PIK3R3: variants seen among roughly 807,000 people sequenced by gnomAD.
PIK3R3 encodes the protein phosphoinositide-3-kinase regulatory subunit 3.
A neutral mutation model predicts 62.9 loss-of-function variants in PIK3R3; 64 were observed. The observed-to-expected ratio is 1.02, with a 90% CI of 0.83 to 1.25. The LOEUF is 1.25. Among genes scored for constraint, PIK3R3 ranks in the 50% most tolerant of loss-of-function variants. The pLI is 0.00. For synonymous variants in PIK3R3, 165 were observed against 189.0 expected, an observed-to-expected ratio of 0.87 and a Z score of 1.04; for missense variants, 614 against 561.6, an observed-to-expected ratio of 1.09 and a Z score of -0.94.
At chr1:46,107,621 A>C (rs2149449917) in intron 1 of PIK3R3, among the ~76,000 whole-genome samples, 1 of 152,286 alleles carries the variant, frequency 6.6e-6, no homozygotes, top group South Asian at 2.1e-4. Flanking sequence ...TCATTTACTT[A>C]AAAAGACCAT....
chr1:46,149,772 C>A, the PIK3R3 span, among the ~76,000 whole-genome samples: 1 of 152,136 alleles, frequency 6.6e-6, no homozygotes, highest in African/African-American at 2.4e-5. Flanking sequence ...GTCAAGGGAT[C>A]CACCTGCCTC....
At chr1:46,082,228 C>T (rs1370063691) in intron 1 of PIK3R3, among the ~76,000 whole-genome samples, 1 of 152,146 alleles carries the variant, frequency 6.6e-6, no homozygotes, top group African/African-American at 2.4e-5. Context: ...ACTTCTGTGA[C>T]ATTCCTGCCA....
In PIK3R3 at chr1:46,066,439, A is replaced by G. The variant is rs780421445; in HGVS notation, c.496-260T>C. ...AAGAAATGAAGTGGGAGACATAAAC[A>G]TAAGTATTTTTATATAAAGGTAACA... On this transcript the variant is annotated intron_variant, in intron 4 of 9. Transcript: ENST00000262741. Among the ~76,000 whole-genome samples, 17 of 152,208 alleles carry G rather than the reference A, an allele frequency of 1.1e-4. 1 individual carries two copies. Among genetic ancestry groups the G allele is most frequent in the Admixed American group, 7.2e-4 (11 of 15,290 alleles).
At chr1:46,078,424 C>T (rs566945746) in intron 2 of PIK3R3, among the ~76,000 whole-genome samples, 53 of 152,230 alleles carry the variant, frequency 3.5e-4, no homozygotes, top group Non-Finnish European at 6.8e-4. Context: ...CGCCTGTAAT[C>T]CCAGCTACTT....
the PIK3R3 span, among the ~76,000 whole-genome samples, chr1:46,147,781 T>G: frequency 6.6e-6 from 1 of 152,182 alleles, no homozygotes; most frequent in South Asian, 2.1e-4. Context: ...TTTGTGCTAA[T>G]GAAAACAACA....
intron 1 of PIK3R3, among the ~76,000 whole-genome samples, chr1:46,089,652 T>C (rs1484906752): frequency 1.3e-5 from 2 of 150,994 alleles, no homozygotes; most frequent in Non-Finnish European, 2.9e-5. Flanking sequence ...GAGGCAGAGG[T>C]TGCAGTGAGC....
At chr1:46,159,295 C>A in the PIK3R3 span, among the ~76,000 whole-genome samples, 126 of 152,194 alleles carry the variant, frequency 8.3e-4, 3 homozygotes, top group East Asian at 0.02. Context: ...CAGTCAGGGG[C>A]AAAGCCCAGA....
chr1:46,173,433 A>G, the PIK3R3 span, among the ~76,000 whole-genome samples: 13 of 152,320 alleles, frequency 8.5e-5, no homozygotes, highest in East Asian at 2.5e-3. Context: ...CATAGCAGGC[A>G]CTGTTGACTG....
At chr1:46,126,042 G>A (rs1655064417) in intron 1 of PIK3R3, among the ~76,000 whole-genome samples, 1 of 152,146 alleles carries the variant, frequency 6.6e-6, no homozygotes, top group Admixed American at 6.5e-5. Context: ...TTACAGGCAT[G>A]AGCCACCGCG....
At chr1:46,164,198 C>T in the PIK3R3 span, among the ~76,000 whole-genome samples, 1 of 152,144 alleles carries the variant, frequency 6.6e-6, no homozygotes, top group Non-Finnish European at 1.5e-5. Flanking sequence ...GAACTCAAGC[C>T]TCCTGCCAAA....
chr1:46,161,205 C>A, the PIK3R3 span, among the ~76,000 whole-genome samples: 1 of 152,006 alleles, frequency 6.6e-6, no homozygotes. Context: ...AATGATCCCC[C>A]AACCTCAGCC....
the PIK3R3 span, among the ~76,000 whole-genome samples, chr1:46,174,386 C>G: frequency 2.0e-5 from 3 of 151,934 alleles, no homozygotes; most frequent in Non-Finnish European, 4.4e-5. Context: ...TCTGCCTCAA[C>G]CCCCCTCAGG....
At chr1:46,166,143 A>G in the PIK3R3 span, among the ~76,000 whole-genome samples, 1 of 151,296 alleles carries the variant, frequency 6.6e-6, no homozygotes, top group Admixed American at 6.6e-5. Context: ...TGGTGAACAC[A>G]CTTCATCTGG....
chr1:46,097,366 A>G (rs1652233801), intron 1 of PIK3R3, among the ~76,000 whole-genome samples: 3 of 151,966 alleles, frequency 2.0e-5, no homozygotes, highest in South Asian at 4.2e-4. Flanking sequence ...CAACATTGTG[A>G]AACCCTGCCT....
chr1:46,127,029 G>A lies in PIK3R3; in HGVS notation c.106+4818C>T, dbSNP rs532411198. 8.6e-5 allele frequency among the ~76,000 whole-genome samples: 13 copies of A among 151,906 alleles called. No individual in the cohort carries two copies. The East Asian group carries it at 1.9e-3, about 23-fold the overall frequency. On this transcript the variant is annotated intron_variant, in intron 1 of 9. Coordinates refer to ENST00000262741, the MANE Select transcript of PIK3R3 (RefSeq NM_003629.4). ...TTTTCTAATTATCTAAGGAAGAGAC[G>A]TTGCTGCCCTAAAGATAATTTTAGG...
Position 46,077,266 on chromosome 1 carries a change from C to T in PIK3R3, c.314+249G>A, listed in dbSNP as rs147784161. Among the ~76,000 whole-genome samples, 183 of 152,312 alleles carry T rather than the reference C, an allele frequency of 1.2e-3. 3 individuals are homozygous for T. The East Asian group carries it at 0.026, about 21-fold the overall frequency. On this transcript the variant is annotated intron_variant, in intron 3 of 9. Coordinates refer to ENST00000262741, the MANE Select transcript of PIK3R3 (RefSeq NM_003629.4). ...TATAAGGTCAACAGTATGCTTCCTA[C>T]TCCCTTACATTTTGGGATTTTAACC...
rs536652012 is a variant in PIK3R3, at chr1:46,077,485, G to A, written c.314+30C>T. On this transcript the variant is annotated intron_variant, in intron 3 of 9. Coordinates refer to ENST00000262741, the MANE Select transcript of PIK3R3 (RefSeq NM_003629.4). ...CCAGAACTAAAATAACATCAGTAGA[G>A]AACTAGCCAAAAGACTGAAAAGTAC... 25 of 1,158,004 alleles carry A rather than the reference G, an allele frequency of 2.2e-5. No individual in the cohort carries two copies. In the African/African-American group the frequency reaches 3.0e-4, roughly 14 times the overall value. 71.7% of individuals were successfully genotyped at this position (1,158,004 alleles called of 1,614,324 possible). A position where few individuals can be genotyped will look rare whatever the true frequency, so the allele number is the denominator to read the frequency against.
At chr1:46,105,436 G>A (rs1169625669) in intron 1 of PIK3R3, among the ~76,000 whole-genome samples, 2 of 151,920 alleles carry the variant, frequency 1.3e-5, no homozygotes, top group South Asian at 2.1e-4. Flanking sequence ...CCCAGGAAGC[G>A]GAGGTTACGG....
chr1:46,085,230 C>A (rs1038371607), intron 1 of PIK3R3, among the ~76,000 whole-genome samples: 1 of 152,192 alleles, frequency 6.6e-6, no homozygotes, highest in African/African-American at 2.4e-5. Context: ...GAATGCAATA[C>A]TGGCCTATTT....
Sources: gnomAD v4.1 joint callset for allele counts (sites outside exome capture counted in the v4.1 genomes callset) on GRCh38, gnomAD v4.1.1 for gene constraint, MANE v1.5 for transcripts, NCBI Gene and HGNC (gene_info 2026-07-23, HGNC 2026-07-21) for gene names.